MTREX: variants seen among roughly 807,000 people sequenced by gnomAD.
MTREX encodes the protein exosome RNA helicase MTR4.
Under a neutral mutation model 135.4 loss-of-function variants are expected in MTREX, and 76 were observed. The observed-to-expected ratio is 0.56, with a 90% CI of 0.47 to 0.68. The LOEUF is 0.68. MTREX is among the 30% of genes least tolerant of loss of function. The pLI is 0.00. For synonymous variants in MTREX, 404 were observed against 401.6 expected, an observed-to-expected ratio of 1.01 and a Z score of -0.07; for missense variants, 920 against 1,262.1, an observed-to-expected ratio of 0.73 and a Z score of 4.11.
At position 55,332,674 on chromosome 5, in the gene MTREX, C is replaced by T. The variant is rs372307154; in HGVS notation, c.515+3863C>T. Among the ~76,000 whole-genome samples the T allele has an allele frequency of 1.3e-3, 204 of 152,282 alleles. 2 individuals carry two copies. In the Middle Eastern group the frequency reaches 0.024, roughly 18 times the overall value. On this transcript the variant is annotated intron_variant, in intron 5 of 26. Coordinates refer to ENST00000230640, the MANE Select transcript of MTREX (RefSeq NM_015360.5). ...TGTCCTTTTAACTGGGGCCCACCCC[C>T]TTGATAATTCCCTCCCAAGATAATG...
At chr5:55,346,026 T>C (rs1749726823) in intron 10 of MTREX, among the ~76,000 whole-genome samples, 1 of 152,180 alleles carries the variant, frequency 6.6e-6, no homozygotes, top group African/African-American at 2.4e-5. Context: ...AACATTCCAT[T>C]GTATGGATAT....
chr5:55,341,014 C>T (rs554564075), intron 6 of MTREX, among the ~76,000 whole-genome samples: 2 of 152,266 alleles, frequency 1.3e-5, no homozygotes, highest in African/African-American at 4.8e-5. Context: ...TTTGTACATA[C>T]TTTAATTATA....
chr5:55,397,092 T>G (rs1012750897), intron 19 of MTREX, among the ~76,000 whole-genome samples: 2 of 152,232 alleles, frequency 1.3e-5, no homozygotes, highest in Non-Finnish European at 2.9e-5. Context: ...AGTACCTTTA[T>G]GTATTAATAT....
At chr5:55,370,619 A>C (rs1287423723) in intron 16 of MTREX, among the ~76,000 whole-genome samples, 4 of 152,220 alleles carry the variant, frequency 2.6e-5, no homozygotes. Flanking sequence ...CAAAAGTATA[A>C]CATACTTTTT....
chr5:55,392,253 T>C (rs1750581686), intron 19 of MTREX, among the ~76,000 whole-genome samples: 1 of 152,042 alleles, frequency 6.6e-6, no homozygotes, highest in South Asian at 2.1e-4. Flanking sequence ...ATCATTAAGT[T>C]CTCCTGTCTG....
At chr5:55,317,674 C>G (rs1018004257) in intron 1 of MTREX, among the ~76,000 whole-genome samples, 30 of 151,992 alleles carry the variant, frequency 2.0e-4, no homozygotes, top group Admixed American at 2.6e-4. Flanking sequence ...CTACAAAATC[C>G]CTGAAAGACA....
At chr5:55,308,280 A>T in intron 1 of MTREX, 133 bp downstream of exon 1, 1 of 1,117,794 alleles carries the variant, frequency 8.9e-7, no homozygotes, top group Non-Finnish European at 1.2e-6. Flanking sequence ...GGTTCCAGAA[A>T]AAAGTTGGAG....
intron 1 of MTREX, among the ~76,000 whole-genome samples, chr5:55,313,554 A>C (rs1561182988): frequency 6.6e-6 from 1 of 152,242 alleles, no homozygotes; most frequent in African/African-American, 2.4e-5. Context: ...TATTGAATGC[A>C]ATTGTGGTTC....
intron 22 of MTREX, among the ~76,000 whole-genome samples, chr5:55,409,752 G>A (rs1244562733): frequency 6.6e-6 from 1 of 152,206 alleles, no homozygotes; most frequent in Non-Finnish European, 1.5e-5. Context: ...GTAGTGATGA[G>A]CTAGTACCTA....
rs201239528 is a variant in MTREX at position 55,340,200 on chromosome 5, C to T, written c.690+16C>T. Reference sequence around the variant, plus strand: ...GACCACAGAGGTAATTCATGTAGTGCCTCATCTGACTTTTCGTTTTTAATT... The same window carrying T: ...GACCACAGAGGTAATTCATGTAGTGTCTCATCTGACTTTTCGTTTTTAATT... On this transcript the variant is annotated intron_variant, in intron 6 of 26. Transcript: ENST00000230640. 1.3e-5 allele frequency: 20 copies of T among 1,492,542 alleles called. No homozygotes were observed. Among genetic ancestry groups the T allele is most frequent in the Admixed American group, 7.0e-5 (3 of 43,162 alleles). The allele number at this position is 1,492,542 out of a possible 1,614,324, so 92.5% of individuals were successfully genotyped here.
rs80196416 is a variant in MTREX, at chr5:55,396,042, T to C, written c.2182-1374T>C. On this transcript the variant is annotated intron_variant, in intron 19 of 26. Coordinates refer to ENST00000230640, the MANE Select transcript of MTREX (RefSeq NM_015360.5). ...TTTTCCTCTTTTAATACTTGTACTT[T>C]ATGTGTGTAGAAAGAGAACGATGAA... 9.4e-4 allele frequency among the ~76,000 whole-genome samples: 143 copies of C among 152,340 alleles called. 1 individual carries two copies. The highest frequency in any genetic ancestry group is 3.0e-3 in the African/African-American group (123 of 41,572).
intron 25 of MTREX, among the ~76,000 whole-genome samples, chr5:55,421,458 TAA>T (rs1751054559): frequency 6.6e-6 from 1 of 152,226 alleles, no homozygotes; most frequent in South Asian, 2.1e-4. Flanking sequence ...GTGTCGAAAC[TAA>T]AGTTTCCAGA....
chr5:55,375,136 A>C (rs934456286), intron 16 of MTREX, among the ~76,000 whole-genome samples: 1 of 152,264 alleles, frequency 6.6e-6, no homozygotes, highest in African/African-American at 2.4e-5. Context: ...GCGAGATCAC[A>C]GGACCGCAGG....
At chr5:55,404,369 C>T (rs564580467) in intron 21 of MTREX, among the ~76,000 whole-genome samples, 3 of 152,078 alleles carry the variant, frequency 2.0e-5, no homozygotes, top group Non-Finnish European at 4.4e-5. Context: ...CAAGGTGATA[C>T]ATTTTCATTT....
chr5:55,379,259 A>T (rs929437972), intron 18 of MTREX, 64 bp downstream of exon 18: 2 of 953,846 alleles, frequency 2.1e-6, no homozygotes, highest in Non-Finnish European at 1.6e-6. Context: ...TTTAAGGCTT[A>T]TGAAATCGGT....
chr5:55,324,290 G>C, intron 3 of MTREX, 92 bp downstream of exon 3: 1 of 807,080 alleles, frequency 1.2e-6, no homozygotes, highest in Non-Finnish European at 2.0e-6. Flanking sequence ...GTTTAGCCAT[G>C]AGGACCTTGG....
At chr5:55,406,906 A>G (rs1021551593) in intron 22 of MTREX, among the ~76,000 whole-genome samples, 1 of 152,106 alleles carries the variant, frequency 6.6e-6, no homozygotes, top group Non-Finnish European at 1.5e-5. Flanking sequence ...TGTGTTCGTT[A>G]TTTCCCACCA....
At chr5:55,368,779 G>C in intron 16 of MTREX, among the ~76,000 whole-genome samples, 1 of 151,040 alleles carries the variant, frequency 6.6e-6, no homozygotes. Flanking sequence ...ATAAAGTGAT[G>C]AGAATAAATG....
chr5:55,316,911 A>G (rs1027158842), intron 1 of MTREX, among the ~76,000 whole-genome samples: 2 of 152,180 alleles, frequency 1.3e-5, no homozygotes, highest in Non-Finnish European at 2.9e-5. Flanking sequence ...CCAGCTGACA[A>G]ACAACTTCAG....
Sources: allele counts gnomAD v4.1 joint callset (sites outside exome capture counted in the v4.1 genomes callset), GRCh38; gene constraint gnomAD v4.1.1; transcripts MANE v1.5; gene names NCBI Gene and HGNC (gene_info 2026-07-23, HGNC 2026-07-21).